The following EPB41L4A variants were observed in gnomAD, a reference collection of about 807,000 sequenced individuals.
The protein encoded by EPB41L4A is band 4.1-like protein 4A.
A neutral mutation model predicts 108.6 loss-of-function variants in EPB41L4A; 100 were observed. The observed-to-expected ratio is 0.92, with a 90% CI of 0.78 to 1.09. EPB41L4A has a LOEUF of 1.09. Ranked by LOEUF, EPB41L4A falls within the 50% of genes least tolerant of loss-of-function variation. The pLI is 0.00. For synonymous variants in EPB41L4A, 319 were observed against 289.0 expected, an observed-to-expected ratio of 1.10 and a Z score of -1.05; for missense variants, 1,030 against 842.7, an observed-to-expected ratio of 1.22 and a Z score of -2.75.
intron 13 of EPB41L4A, among the ~76,000 whole-genome samples, chr5:112,208,119 G>A (rs1762557186): frequency 6.6e-6 from 1 of 151,944 alleles, no homozygotes; most frequent in South Asian, 2.1e-4. Flanking sequence ...GGTGGCACAC[G>A]CCTGTAGTCC....
intron 1 of EPB41L4A, among the ~76,000 whole-genome samples, chr5:112,415,720 T>A (rs10077309): frequency 0.14 from 21,540 of 151,946 alleles, 4,220 homozygotes; most frequent in African/African-American, 0.44. Flanking sequence ...CCATACCAAA[T>A]ATCCTTACTT....
intron 1 of EPB41L4A, among the ~76,000 whole-genome samples, chr5:112,342,451 T>C (rs1440843345): frequency 1.3e-5 from 2 of 152,134 alleles, no homozygotes; most frequent in South Asian, 2.1e-4. Context: ...TCCTGACAAG[T>C]AGGTGTGCTG....
At chr5:112,323,335 C>T (rs1033143531) in intron 1 of EPB41L4A, among the ~76,000 whole-genome samples, 6 of 152,176 alleles carry the variant, frequency 3.9e-5, no homozygotes, top group Admixed American at 1.3e-4. Context: ...CATGCCTAGG[C>T]TTGGTAAAAT....
chr5:112,264,756 T>G (rs6898180), intron 6 of EPB41L4A, 140 bp downstream of exon 6: 9,061 of 734,692 alleles, frequency 0.012, 161 homozygotes, highest in African/African-American at 0.068. Context: ...AGAGTTAAAA[T>G]CAGTTAAACT....
chr5:112,243,412 T>C (rs948609885), intron 9 of EPB41L4A, among the ~76,000 whole-genome samples: 11 of 152,172 alleles, frequency 7.2e-5, no homozygotes, highest in African/African-American at 2.6e-4. Flanking sequence ...AACCCAGAAT[T>C]TTCTGAATGG....
chr5:112,335,397 C>T (rs909402588), intron 1 of EPB41L4A, among the ~76,000 whole-genome samples: 1 of 152,148 alleles, frequency 6.6e-6, no homozygotes, highest in Admixed American at 6.5e-5. Flanking sequence ...AAAATGTTTA[C>T]CACTTTCTTT....
upstream of EPB41L4A, chr5:112,419,792 G>A (rs765371344): frequency 2.2e-6 from 1 of 456,766 alleles, no homozygotes; most frequent in Non-Finnish European, 4.4e-6. Flanking sequence ...CTCGTCGCGG[G>A]GTGTGGCTCC....
chr5:112,279,935 A>G (rs1186032159), intron 3 of EPB41L4A, among the ~76,000 whole-genome samples: 1 of 151,434 alleles, frequency 6.6e-6, no homozygotes, highest in Non-Finnish European at 1.5e-5. Context: ...CCATCCCTGC[A>G]GCCCACCTAC....
At chr5:112,145,860 A>G (rs954598294) in intron 13 of EPB41L4A, 15 of 453,822 alleles carry the variant, frequency 3.3e-5, no homozygotes, top group Non-Finnish European at 4.9e-5. Context: ...GACAATTATC[A>G]ATATACATAA....
chr5:112,360,558 G>C (rs2150757802), intron 1 of EPB41L4A, among the ~76,000 whole-genome samples: 1 of 152,370 alleles, frequency 6.6e-6, no homozygotes, highest in Non-Finnish European at 1.5e-5. Flanking sequence ...TGCAGACGGA[G>C]TCTCGCTCAC....
At chr5:112,146,414 T>A (rs530899424) in intron 12 of EPB41L4A, among the ~76,000 whole-genome samples, 103 of 152,304 alleles carry the variant, frequency 6.8e-4, no homozygotes, top group Non-Finnish European at 1.2e-3. Flanking sequence ...TTTAGTGCTG[T>A]TTGAGTAATT....
intron 12 of EPB41L4A, among the ~76,000 whole-genome samples, chr5:112,218,470 A>G (rs2150330793): frequency 6.6e-6 from 1 of 152,210 alleles, no homozygotes; most frequent in East Asian, 1.9e-4. Flanking sequence ...CCAATCCTCT[A>G]TCAGGGCTAC....
chr5:112,259,361 T>C (rs2150436272), intron 8 of EPB41L4A, 69 bp from the exon 9 acceptor site: 2 of 1,338,938 alleles, frequency 1.5e-6, no homozygotes, highest in East Asian at 2.3e-5. Context: ...CAGGGAAGTA[T>C]CCAGTGGAAA....
intron 6 of EPB41L4A, 109 bp downstream of exon 6, chr5:112,264,787 A>T: frequency 1.8e-6 from 2 of 1,091,912 alleles, no homozygotes; most frequent in Non-Finnish European, 2.6e-6. Context: ...GAGTATTAGA[A>T]TATTAAATGC....
rs1760124995 is a variant in EPB41L4A, at chr5:112,164,764, G to C, written c.*226C>G. ...ACAGGAGAATCGCTTAACCCAGTAA[G>C]TGGAGGCTGCGGTGAGCTGACACGG... On this transcript the variant is annotated 3_prime_UTR_variant, in exon 23 of 23. Coordinates refer to ENST00000261486, the MANE Select transcript of EPB41L4A (RefSeq NM_022140.5). 1 of 332,020 alleles carries C rather than the reference G, an allele frequency of 3.0e-6. No individual in the cohort carries two copies. Among genetic ancestry groups the C allele is most frequent in the Non-Finnish European group, 5.4e-6 (1 of 185,354 alleles). The allele number at this position is 332,020 out of a possible 1,614,324, so 20.6% of individuals were successfully genotyped here. A position where few individuals can be genotyped will look rare whatever the true frequency, so the allele number is the denominator to read the frequency against.
intron 1 of EPB41L4A, among the ~76,000 whole-genome samples, chr5:112,310,213 G>A (rs1754959593): frequency 6.6e-6 from 1 of 152,182 alleles, no homozygotes; most frequent in Middle Eastern, 3.2e-3. Context: ...TTTTATTGCT[G>A]TTATACTTTC....
At chr5:112,339,360 A>G (rs1405956210) in intron 1 of EPB41L4A, among the ~76,000 whole-genome samples, 3 of 151,886 alleles carry the variant, frequency 2.0e-5, no homozygotes, top group Admixed American at 2.0e-4. Flanking sequence ...TATACAGTGG[A>G]GAGTCAAAGT....
chr5:112,268,254 G>A lies in EPB41L4A; in HGVS notation c.336-1924C>T, dbSNP rs1035455316. On this transcript the variant is annotated intron_variant, in intron 4 of 22. Transcript: ENST00000261486. The stretch of plus-strand genomic sequence containing the variant: ...AAAGTTAGGAGTGGTGGCGCATGCC[G>A]GTAGTCCCAGCTACTTGGGAAGGTG... Among the ~76,000 whole-genome samples, 12 of 152,204 alleles carry A rather than the reference G, an allele frequency of 7.9e-5. No individual in the cohort carries two copies. The East Asian group carries it at 9.7e-4, about 12-fold the overall frequency.
At chr5:112,275,995 GT>G (rs1050344851) in intron 3 of EPB41L4A, among the ~76,000 whole-genome samples, 10 of 151,974 alleles carry the variant, frequency 6.6e-5, no homozygotes, top group African/African-American at 2.4e-4. Flanking sequence ...ATATATTTGA[GT>G]TTTTTTTCCT....
Sources: allele counts gnomAD v4.1 joint callset (sites outside exome capture counted in the v4.1 genomes callset), GRCh38; gene constraint gnomAD v4.1.1; transcripts MANE v1.5; gene names NCBI Gene and HGNC (gene_info 2026-07-23, HGNC 2026-07-21).